MEGF11: variants seen among roughly 807,000 people sequenced by gnomAD.
MEGF11 encodes the protein multiple epidermal growth factor-like domains protein 11.
In MEGF11, 126 loss-of-function variants were observed where a neutral mutation model predicts 146.6. The observed-to-expected ratio is 0.86, with a 90% confidence interval of 0.74 to 1.00. MEGF11 has a LOEUF of 1.00. MEGF11 is among the 50% of genes least tolerant of loss of function. The probability of loss-of-function intolerance (pLI) is 0.00; values close to 1 mark genes in which losing one functional copy is unlikely to be tolerated. For missense variants in MEGF11, 1,509 were observed against 1,521.2 expected, an observed-to-expected ratio of 0.99 and a Z score of 0.13; for synonymous variants, 532 against 583.4, an observed-to-expected ratio of 0.91 and a Z score of 1.27.
At chr15:65,993,586 CT>C (rs2086611564) in intron 5 of MEGF11, among the ~76,000 whole-genome samples, 1 of 152,232 alleles carries the variant, frequency 6.6e-6, no homozygotes, top group South Asian at 2.1e-4. Flanking sequence ...GTCCTGCACC[CT>C]CCCCGACGTG....
chr15:66,179,962 C>T (rs772327785), intron 1 of MEGF11, among the ~76,000 whole-genome samples: 2 of 152,188 alleles, frequency 1.3e-5, no homozygotes, highest in African/African-American at 2.4e-5. Context: ...ACCAAGCCCT[C>T]GATAGCTGGG....
intron 5 of MEGF11, among the ~76,000 whole-genome samples, chr15:66,023,970 C>G (rs2083246086): frequency 1.3e-5 from 2 of 152,032 alleles, no homozygotes; most frequent in Admixed American, 1.3e-4. Flanking sequence ...ATGGGGACAG[C>G]TAGGGCTGGG....
At chr15:66,187,737 G>A (rs1228429531) in intron 1 of MEGF11, among the ~76,000 whole-genome samples, 1 of 152,144 alleles carries the variant, frequency 6.6e-6, no homozygotes, top group Admixed American at 6.5e-5. Context: ...ACAGCCCAGA[G>A]CTCAAGCTTC....
At chr15:66,050,534 G>A (rs2084407048) in intron 5 of MEGF11, among the ~76,000 whole-genome samples, 1 of 152,226 alleles carries the variant, frequency 6.6e-6, no homozygotes, top group African/African-American at 2.4e-5. Context: ...CAATGAGTGA[G>A]AGAGGTGGGT....
intron 1 of MEGF11, among the ~76,000 whole-genome samples, chr15:66,170,647 T>C (rs1315042640): frequency 6.6e-6 from 1 of 152,184 alleles, no homozygotes; most frequent in Non-Finnish European, 1.5e-5. Context: ...TCTATACAGG[T>C]GTAAGAGGTT....
intron 15 of MEGF11, among the ~76,000 whole-genome samples, chr15:65,919,555 CACAG>C (rs2079109443): frequency 6.6e-6 from 1 of 152,152 alleles, no homozygotes; most frequent in Admixed American, 6.5e-5. Context: ...AAAATGCTGA[CACAG>C]ACACGAAGTG....
chr15:65,923,371 C>T (rs1410166302), intron 13 of MEGF11, among the ~76,000 whole-genome samples: 4 of 152,094 alleles, frequency 2.6e-5, no homozygotes, highest in African/African-American at 7.2e-5. Flanking sequence ...AGAACAGGAC[C>T]GGGAGGAACC....
intron 1 of MEGF11, among the ~76,000 whole-genome samples, chr15:66,149,353 C>G (rs1389958004): frequency 1.3e-5 from 2 of 152,232 alleles, no homozygotes; most frequent in African/African-American, 4.8e-5. Context: ...CTTGATCTCT[C>G]CAACCCTTGG....
At chr15:66,022,490 C>T (rs17240324) in intron 5 of MEGF11, among the ~76,000 whole-genome samples, 2,976 of 152,286 alleles carry the variant, frequency 0.02, 40 homozygotes, top group Non-Finnish European at 0.03. Flanking sequence ...TCAAGGAGTT[C>T]ATGGTCATAC....
At chr15:66,152,793 C>T (rs1328917862) in intron 1 of MEGF11, among the ~76,000 whole-genome samples, 1 of 152,252 alleles carries the variant, frequency 6.6e-6, no homozygotes, top group African/African-American at 2.4e-5. Context: ...AGCACGCTTC[C>T]TGAGGCCAGC....
In MEGF11 at chr15:65,922,433, G is replaced by A. The variant is rs1203809597; in HGVS notation, c.1862C>T (p.Pro621Leu). 1.3e-6 allele frequency: 2 copies of A among 1,587,472 alleles called. No individual in the cohort carries two copies. The highest frequency in any genetic ancestry group is 2.3e-5 in the East Asian group (1 of 43,448). The change falls in exon 15 of 26, where the codon CCA (proline) becomes CTA (leucine). Residue 621 changes from proline to leucine, a missense_variant. Coordinates refer to ENST00000395614, the MANE Select transcript of MEGF11 (RefSeq NM_001385028.1). ...PGFYGHGCAQPCPLCVHSSRP... is the reference protein window; with the variant it reads ...PGFYGHGCAQLCPLCVHSSRP... ...GCTGCTGTGCACGCAGAGGGGGCAT[G>A]GCTGGGCGCAGCCGTGGCCATAGAA...
At chr15:66,065,848 T>G (rs1391345060) in intron 5 of MEGF11, among the ~76,000 whole-genome samples, 1 of 152,032 alleles carries the variant, frequency 6.6e-6, no homozygotes, top group Admixed American at 6.6e-5. Context: ...GGGGGAGCAG[T>G]GGGGTTTCCC....
chr15:65,966,643 T>G (rs1028304584), intron 8 of MEGF11, among the ~76,000 whole-genome samples: 1 of 152,016 alleles, frequency 6.6e-6, no homozygotes, highest in Non-Finnish European at 1.5e-5. Flanking sequence ...CAAGGTAGGG[T>G]CTGAGTCTCT....
In MEGF11 at chr15:66,154,619, G is replaced by C. The variant is rs186073836; in HGVS notation, c.-8-26208C>G. ...TGTATTTATTTTCCTAGAATGAAAG[G>C]CAAAGTGCTGGAGGGACGTGCAAGA... On this transcript the variant is annotated intron_variant, in intron 1 of 25. Transcript: ENST00000395614. Among the ~76,000 whole-genome samples, 133 of 152,316 alleles carry C rather than the reference G, an allele frequency of 8.7e-4. 2 individuals are homozygous for C. The highest frequency in any genetic ancestry group is 2.8e-3 in the African/African-American group (117 of 41,556).
intron 7 of MEGF11, among the ~76,000 whole-genome samples, chr15:65,977,477 C>A (rs890510686): frequency 1.4e-4 from 18 of 130,366 alleles, no homozygotes; most frequent in African/African-American, 4.8e-4. Context: ...CTCTCTCCCT[C>A]TTTTTTTTTT....
chr15:66,082,612 G>C (rs1343806053), intron 5 of MEGF11, among the ~76,000 whole-genome samples: 1 of 133,398 alleles, frequency 7.5e-6, no homozygotes, highest in Admixed American at 8.6e-5. Flanking sequence ...AGAGGTTGCA[G>C]TGAGCCAAGA....
chr15:66,101,618 A>G (rs2086812524), intron 4 of MEGF11, among the ~76,000 whole-genome samples: 1 of 152,198 alleles, frequency 6.6e-6, no homozygotes, highest in Non-Finnish European at 1.5e-5. Flanking sequence ...CCCAGCACCT[A>G]GCATGATGCC....
In MEGF11 at chr15:65,982,184, A is replaced by ACCCTCCAGGTCCCGC. The variant is rs796410622; in HGVS notation, c.641+43_641+57dup. The ACCCTCCAGGTCCCGC allele has an allele frequency of 2.0e-3, 1,964 of 959,108 alleles. 23 individuals carry two copies. The African/African-American group carries it at 0.03, about 15-fold the overall frequency. 59.4% of individuals were successfully genotyped at this position (959,108 alleles called of 1,614,324 possible). A position where few individuals can be genotyped will look rare whatever the true frequency, so the allele number is the denominator to read the frequency against. On this transcript the variant is annotated intron_variant, in intron 6 of 25. Coordinates refer to ENST00000395614, the MANE Select transcript of MEGF11 (RefSeq NM_001385028.1). The surrounding 1 kb of genome is among the most constrained non-coding windows in gnomAD (Gnocchi z 5.6). Reference sequence around the variant, plus strand: ...CCTCCTCTACCCTCCCCACCCAGGCACCCTCCAGGTCCCGCCCCTCCAGGT... The same window carrying ACCCTCCAGGTCCCGC: ...CCTCCTCTACCCTCCCCACCCAGGCACCCTCCAGGTCCCGCCCCTCCAGGTCCCGCCCCTCCAGGT...
intron 1 of MEGF11, among the ~76,000 whole-genome samples, chr15:66,202,176 T>C (rs2091180233): frequency 2.0e-5 from 3 of 151,938 alleles, no homozygotes; most frequent in Admixed American, 1.3e-4. Flanking sequence ...CACACATGCA[T>C]GCACCAATAC....
Sources: allele counts gnomAD v4.1 joint callset (sites outside exome capture counted in the v4.1 genomes callset), GRCh38; gene constraint gnomAD v4.1.1; non-coding constraint Gnocchi (gnomAD v3.1); transcripts MANE v1.5; gene names NCBI Gene and HGNC (gene_info 2026-07-23, HGNC 2026-07-21).